Variants in FER observed in about 807,000 individuals in gnomAD.
FER encodes tyrosine-protein kinase Fer.
FER carries 63 observed loss-of-function variants against 111.0 expected under a neutral mutation model. The observed-to-expected ratio is 0.57, with a 90% CI of 0.46 to 0.70. The LOEUF (loss-of-function observed/expected upper bound fraction) is 0.70, where lower values mean the gene tolerates loss of function less well. Among genes scored for constraint, FER ranks in the 30% least tolerant of loss-of-function variants. The pLI, the probability that FER is intolerant of heterozygous loss-of-function variation, is 0.00. For synonymous variants in FER, 327 were observed against 313.9 expected, an observed-to-expected ratio of 1.04 and a Z score of -0.44; for missense variants, 914 against 954.0, an observed-to-expected ratio of 0.96 and a Z score of 0.55.
At chr5:108,865,169 G>A (rs1199619055) in intron 5 of FER, among the ~76,000 whole-genome samples, 1 of 152,132 alleles carries the variant, frequency 6.6e-6, no homozygotes, top group Admixed American at 6.5e-5. Context: ...TGTTATTGGT[G>A]TATAAGAATG....
chr5:109,175,055 TA>T (rs1348090176), intron 17 of FER, among the ~76,000 whole-genome samples: 1 of 152,210 alleles, frequency 6.6e-6, no homozygotes, highest in Non-Finnish European at 1.5e-5. Flanking sequence ...GTACCCAGCA[TA>T]TAGTAAATAC....
chr5:108,965,140 T>C (rs2149681783), intron 13 of FER, among the ~76,000 whole-genome samples: 1 of 152,286 alleles, frequency 6.6e-6, no homozygotes, highest in East Asian at 1.9e-4. Flanking sequence ...CTATTGAGAG[T>C]GAAGAGCACA....
At chr5:108,948,769 G>C (rs1367072051) in intron 11 of FER, among the ~76,000 whole-genome samples, 1 of 151,980 alleles carries the variant, frequency 6.6e-6, no homozygotes, top group Non-Finnish European at 1.5e-5. Context: ...CAAATCGCTT[G>C]TTCCATCTTA....
chr5:108,931,183 G>A (rs1440553425), intron 10 of FER, among the ~76,000 whole-genome samples: 1 of 152,150 alleles, frequency 6.6e-6, no homozygotes, highest in Admixed American at 6.5e-5. Flanking sequence ...TAGTGCTGCT[G>A]TCAGTGTTTG....
chr5:109,034,299 C>T (rs954260567), intron 13 of FER, among the ~76,000 whole-genome samples: 6 of 152,116 alleles, frequency 3.9e-5, no homozygotes, highest in African/African-American at 9.7e-5. Flanking sequence ...GGCAGTGAGC[C>T]GGTTTGGTCT....
intron 5 of FER, among the ~76,000 whole-genome samples, chr5:108,849,694 T>C (rs1474348953): frequency 1.3e-5 from 2 of 152,180 alleles, no homozygotes; most frequent in African/African-American, 4.8e-5. Context: ...TTTGGTTAGA[T>C]ATTTTTGCTT....
intron 10 of FER, among the ~76,000 whole-genome samples, chr5:108,938,071 C>G (rs1016799687): frequency 7.7e-6 from 1 of 129,042 alleles, no homozygotes; most frequent in Admixed American, 8.2e-5. Flanking sequence ...CACACACACA[C>G]GTAAAAACTG....
At chr5:109,001,327 A>C (rs914435102) in intron 13 of FER, among the ~76,000 whole-genome samples, 5 of 152,232 alleles carry the variant, frequency 3.3e-5, no homozygotes, top group Non-Finnish European at 7.3e-5. Flanking sequence ...GGCTGGTTCA[A>C]CATACGAAAA....
chr5:109,186,086 C>G (rs977501437), intron 18 of FER, 114 bp from the exon 19 acceptor site: 11 of 1,440,796 alleles, frequency 7.6e-6, no homozygotes, highest in Non-Finnish European at 1.1e-5. Context: ...TGTGCTCCAT[C>G]ATTGACCAAA....
At chr5:108,939,271 T>G (rs66834040) in intron 10 of FER, among the ~76,000 whole-genome samples, 29,005 of 152,032 alleles carry the variant, frequency 0.19, 3,166 homozygotes, top group African/African-American at 0.3. Flanking sequence ...AATTAAATGT[T>G]TCTAAAACCT....
At chr5:108,875,675 G>A (rs551437918) in intron 8 of FER, among the ~76,000 whole-genome samples, 5 of 152,144 alleles carry the variant, frequency 3.3e-5, no homozygotes, top group Non-Finnish European at 7.4e-5. Context: ...GTGACCTATT[G>A]CAAACTTAAA....
At chr5:108,980,959 A>G (rs1388032158) in intron 13 of FER, among the ~76,000 whole-genome samples, 1 of 152,122 alleles carries the variant, frequency 6.6e-6, no homozygotes, top group Non-Finnish European at 1.5e-5. Context: ...AACTTTTGGT[A>G]GGGTTTTTTA....
chr5:109,055,506 G>A (rs1242479798), intron 16 of FER, among the ~76,000 whole-genome samples: 3 of 152,088 alleles, frequency 2.0e-5, no homozygotes, highest in Admixed American at 6.6e-5. Context: ...GGCAGAGGAG[G>A]CTGGATGCAG....
At chr5:109,037,116 T>A (rs984032594) in intron 13 of FER, among the ~76,000 whole-genome samples, 1 of 152,054 alleles carries the variant, frequency 6.6e-6, no homozygotes, top group African/African-American at 2.4e-5. Flanking sequence ...TGACAAATAA[T>A]AGCATAACAT....
chr5:108,804,704 A>C (rs1757018018), intron 3 of FER, among the ~76,000 whole-genome samples: 1 of 152,092 alleles, frequency 6.6e-6, no homozygotes, highest in African/African-American at 2.4e-5. Context: ...ATGATGAATT[A>C]ATTTTTTGAT....
At chr5:108,900,369 A>G (rs1056716768) in intron 10 of FER, among the ~76,000 whole-genome samples, 18 of 152,242 alleles carry the variant, frequency 1.2e-4, no homozygotes, top group Admixed American at 2.6e-4. Context: ...TTGGAAACGA[A>G]AACAATCAAA....
intron 10 of FER, among the ~76,000 whole-genome samples, chr5:108,901,769 T>C (rs2150338551): frequency 6.6e-6 from 1 of 152,258 alleles, no homozygotes; most frequent in Admixed American, 6.5e-5. Context: ...CTGGGCAACA[T>C]GGCAAAACCT....
intron 17 of FER, among the ~76,000 whole-genome samples, chr5:109,112,853 A>G (rs1749789962): frequency 6.6e-6 from 1 of 152,148 alleles, no homozygotes; most frequent in Non-Finnish European, 1.5e-5. Context: ...ATAACTTCCT[A>G]TTCTTGATGC....
chr5:109,048,272 G>A (rs1002260251), intron 16 of FER, among the ~76,000 whole-genome samples: 1 of 152,064 alleles, frequency 6.6e-6, no homozygotes, highest in Admixed American at 6.5e-5. Flanking sequence ...CCATGTAACT[G>A]CAGAATACCT....
Sources: gnomAD v4.1 joint callset for allele counts (sites outside exome capture counted in the v4.1 genomes callset) on GRCh38, gnomAD v4.1.1 for gene constraint, MANE v1.5 for transcripts, NCBI Gene and HGNC (gene_info 2026-07-23, HGNC 2026-07-21) for gene names.